Variants in TUSC3 observed in about 807,000 individuals in gnomAD.
TUSC3 encodes the protein tumor suppressor candidate 3, also known as dolichyl-diphosphooligosaccharide--protein glycosyltransferase subunit TUSC3.
Under a neutral mutation model 44.8 loss-of-function variants are expected in TUSC3, and 45 were observed. The observed-to-expected ratio is 1.00, with a 90% CI of 0.79 to 1.29. TUSC3 has a LOEUF of 1.29. Ranked by LOEUF, TUSC3 falls within the 50% of genes most tolerant of loss-of-function variation. The pLI is 0.00. For missense variants in TUSC3, 519 were observed against 437.9 expected (o/e 1.19, Z -1.65); for synonymous variants, 212 against 152.9 (o/e 1.39, Z -2.85).
chr8:15,423,768 G>T (rs756598261), intron 1 of TUSC3, among the ~76,000 whole-genome samples: 1 of 151,958 alleles, frequency 6.6e-6, no homozygotes, highest in Non-Finnish European at 1.5e-5. Context: ...AAGTAAGTCT[G>T]AGGTAAATGG....
chr8:15,777,781 A>G, the TUSC3 span, among the ~76,000 whole-genome samples: 1 of 152,168 alleles, frequency 6.6e-6, no homozygotes, highest in African/African-American at 2.4e-5. Flanking sequence ...CCTTTACAGG[A>G]ATTCCCTTTT....
chr8:15,588,852 A>G (rs1000815873), intron 1 of TUSC3, among the ~76,000 whole-genome samples: 2 of 152,168 alleles, frequency 1.3e-5, no homozygotes, highest in Non-Finnish European at 2.9e-5. Context: ...TTTGTTGCAT[A>G]TCAGTTGGCT....
the TUSC3 span, among the ~76,000 whole-genome samples, chr8:15,834,344 A>G: frequency 1.2e-4 from 19 of 152,134 alleles, no homozygotes; most frequent in African/African-American, 4.1e-4. Context: ...TGTGTCATCA[A>G]TTTCTTTCTC....
intron 6 of TUSC3, among the ~76,000 whole-genome samples, chr8:15,718,629 A>G (rs28398359): frequency 0.073 from 11,143 of 152,134 alleles, 1,230 homozygotes; most frequent in African/African-American, 0.24. Context: ...CTTCATGGAC[A>G]AATAATGTCA....
At chr8:15,763,835 C>T (rs1357394892) in intron 10 of TUSC3, among the ~76,000 whole-genome samples, 3 of 151,996 alleles carry the variant, frequency 2.0e-5, no homozygotes, top group Non-Finnish European at 4.4e-5. Flanking sequence ...ATTTTTAGGA[C>T]ATTCAAATGA....
chr8:15,507,780 G>A (rs931017261), intron 2 of TUSC3, among the ~76,000 whole-genome samples: 6 of 152,000 alleles, frequency 3.9e-5, no homozygotes, highest in Non-Finnish European at 8.8e-5. Context: ...AAAAGAGAGA[G>A]AGAGGATGAT....
intron 5 of TUSC3, among the ~76,000 whole-genome samples, chr8:15,672,409 A>C (rs1807987681): frequency 6.6e-6 from 1 of 151,828 alleles, no homozygotes; most frequent in Non-Finnish European, 1.5e-5. Context: ...GGATTAACCT[A>C]CTTAAAACCC....
At chr8:15,804,229 A>G in the TUSC3 span, among the ~76,000 whole-genome samples, 1 of 152,186 alleles carries the variant, frequency 6.6e-6, no homozygotes, top group African/African-American at 2.4e-5. Context: ...CTGACTTTTT[A>G]ATGATCACCA....
intron 2 of TUSC3, among the ~76,000 whole-genome samples, chr8:15,491,420 G>T (rs1197529938): frequency 1.3e-5 from 2 of 152,086 alleles, no homozygotes; most frequent in Non-Finnish European, 1.5e-5. Context: ...CTTTGGCTTA[G>T]TGAGTTCAGG....
At chr8:15,812,861 C>G in the TUSC3 span, among the ~76,000 whole-genome samples, 99 of 152,080 alleles carry the variant, frequency 6.5e-4, no homozygotes, top group African/African-American at 2.1e-3. Flanking sequence ...TTTGGGAGGC[C>G]AAGGAGGGCA....
At chr8:15,699,368 G>A (rs1039988667) in intron 6 of TUSC3, among the ~76,000 whole-genome samples, 1 of 152,038 alleles carries the variant, frequency 6.6e-6, no homozygotes, top group African/African-American at 2.4e-5. Flanking sequence ...CAAACTTTTA[G>A]ACTGCACTCT....
chr8:15,487,465 AG>A (rs1271385818), intron 2 of TUSC3, among the ~76,000 whole-genome samples: 20 of 152,336 alleles, frequency 1.3e-4, no homozygotes, highest in African/African-American at 4.3e-4. Context: ...CTATCTTAAA[AG>A]TTTTTAGATG....
chr8:15,645,330 A>C (rs1806574677), intron 2 of TUSC3, among the ~76,000 whole-genome samples: 1 of 152,134 alleles, frequency 6.6e-6, no homozygotes, highest in South Asian at 2.1e-4. Flanking sequence ...CAGACAGGGT[A>C]GTCTTTGTTT....
At chr8:15,455,637 T>C (rs1384440623) in intron 1 of TUSC3, among the ~76,000 whole-genome samples, 2 of 152,178 alleles carry the variant, frequency 1.3e-5, no homozygotes, top group African/African-American at 2.4e-5. Flanking sequence ...AATAGGCTTC[T>C]AGCCAATGAG....
chr8:15,793,056 C>A, the TUSC3 span, among the ~76,000 whole-genome samples: 2 of 152,244 alleles, frequency 1.3e-5, no homozygotes, highest in Admixed American at 6.5e-5. Context: ...CAATTCTACC[C>A]ATTTTTGCTG....
the TUSC3 span, among the ~76,000 whole-genome samples, chr8:15,843,479 G>T: frequency 6.6e-6 from 1 of 151,842 alleles, no homozygotes; most frequent in Non-Finnish European, 1.5e-5. Flanking sequence ...ATAGCAATGG[G>T]TGTCTCAGAT....
intron 1 of TUSC3, among the ~76,000 whole-genome samples, chr8:15,605,945 A>C (rs1045634560): frequency 6.6e-6 from 1 of 152,050 alleles, no homozygotes; most frequent in African/African-American, 2.4e-5. Flanking sequence ...GACACTGATC[A>C]TCTCCATGTG....
chr8:15,601,578 A>G (rs62504257), intron 1 of TUSC3, among the ~76,000 whole-genome samples: 28,782 of 151,712 alleles, frequency 0.19, 3,558 homozygotes, highest in Non-Finnish European at 0.27. Context: ...AAACTGGGTT[A>G]CTTCCATAAT....
chr8:15,512,928 A>T (rs1260807232), intron 2 of TUSC3, among the ~76,000 whole-genome samples: 1 of 43,000 alleles, frequency 2.3e-5, no homozygotes, highest in African/African-American at 6.8e-5. Flanking sequence ...CTATATATAT[A>T]ATCATATATA....
Sources: gnomAD v4.1 joint callset for allele counts (sites outside exome capture counted in the v4.1 genomes callset) on GRCh38, gnomAD v4.1.1 for gene constraint, MANE v1.5 for transcripts, NCBI Gene and HGNC (gene_info 2026-07-23, HGNC 2026-07-21) for gene names.